The following EPHA7 variants were observed in gnomAD, a reference collection of about 807,000 sequenced individuals.
EPHA7 encodes the protein EPH receptor A7.
A neutral mutation model predicts 112.6 loss-of-function variants in EPHA7; 25 were observed. The ratio of observed to expected loss-of-function variants is 0.22; its 90% CI spans 0.16 to 0.31. The LOEUF (loss-of-function observed/expected upper bound fraction) is 0.31. EPHA7 is among the 10% of genes least tolerant of loss of function. The pLI, the probability that EPHA7 is intolerant of heterozygous loss-of-function variation, is 1.00. For missense variants in EPHA7, 962 were observed against 1,212.6 expected (o/e 0.79, Z 3.07); for synonymous variants, 437 against 406.5 (o/e 1.07, Z -0.90).
At chr6:93,290,219 CAT>C (rs970576685) in intron 5 of EPHA7, among the ~76,000 whole-genome samples, 1 of 151,860 alleles carries the variant, frequency 6.6e-6, no homozygotes, top group Non-Finnish European at 1.5e-5. Flanking sequence ...TAAAATATGA[CAT>C]ATAAAATATG....
chr6:93,414,214 TA>T (rs1459717407), intron 2 of EPHA7, among the ~76,000 whole-genome samples: 2 of 151,948 alleles, frequency 1.3e-5, no homozygotes, highest in Non-Finnish European at 3.0e-5. Context: ...TATTTTATAG[TA>T]AATTGTATAC....
chr6:93,292,169 C>G (rs951837819), intron 5 of EPHA7, among the ~76,000 whole-genome samples: 1 of 152,152 alleles, frequency 6.6e-6, no homozygotes, highest in East Asian at 1.9e-4. Flanking sequence ...ACAATCCCAG[C>G]TCTGTCACTT....
At chr6:93,326,944 T>G (rs2127894639) in intron 5 of EPHA7, among the ~76,000 whole-genome samples, 1 of 151,752 alleles carries the variant, frequency 6.6e-6, no homozygotes, top group Non-Finnish European at 1.5e-5. Context: ...TTCTTTCAAC[T>G]GGTATCCATC....
chr6:93,296,434 AATATATAAATAT>A (rs200004010), intron 5 of EPHA7, among the ~76,000 whole-genome samples: 37,089 of 125,700 alleles, frequency 0.3, 5,338 homozygotes, highest in South Asian at 0.43. Context: ...ATATATATAA[AATATATAAATAT>A]ATATATAAAT....
intron 5 of EPHA7, among the ~76,000 whole-genome samples, chr6:93,311,589 C>A (rs1324703615): frequency 6.6e-6 from 1 of 152,108 alleles, no homozygotes; most frequent in East Asian, 1.9e-4. Flanking sequence ...CAACTGAAGT[C>A]TTGAACCCCT....
intron 5 of EPHA7, among the ~76,000 whole-genome samples, chr6:93,292,174 T>C (rs569936114): frequency 1.2e-4 from 18 of 152,296 alleles, no homozygotes; most frequent in Admixed American, 9.2e-4. Flanking sequence ...CCCAGCTCTG[T>C]CACTTATTAG....
At chr6:93,276,873 T>C (rs1195100673) in intron 5 of EPHA7, among the ~76,000 whole-genome samples, 9 of 152,068 alleles carry the variant, frequency 5.9e-5, no homozygotes, top group Admixed American at 4.6e-4. Context: ...TACATTTACA[T>C]GTTTCTAACT....
At chr6:93,301,349 T>A (rs1348187443) in intron 5 of EPHA7, among the ~76,000 whole-genome samples, 1 of 152,170 alleles carries the variant, frequency 6.6e-6, no homozygotes, top group Non-Finnish European at 1.5e-5. Context: ...ACTTAAAATA[T>A]TTTTGTGTTG....
chr6:93,269,680 G>A lies in EPHA7; in HGVS notation c.1450-20C>T, dbSNP rs559229698. ...TTGATCCTAGAAACAATATTTAGAGGAAATATTTAATTGTGATTGCAACCA... is the reference window on the plus strand; with the variant it reads ...TTGATCCTAGAAACAATATTTAGAGAAAATATTTAATTGTGATTGCAACCA... On this transcript the variant is annotated intron_variant, in intron 6 of 16. Coordinates refer to ENST00000369303, the MANE Select transcript of EPHA7 (RefSeq NM_004440.4). 1.9e-4 allele frequency: 277 copies of A among 1,481,002 alleles called. No individual in the cohort carries two copies. Among genetic ancestry groups the A allele is most frequent in the Non-Finnish European group, 2.4e-4 (263 of 1,115,006 alleles). The allele number at this position is 1,481,002 out of a possible 1,614,324, so 91.7% of individuals were successfully genotyped here. A position where few individuals can be genotyped will look rare whatever the true frequency, so the allele number is the denominator to read the frequency against.
intron 3 of EPHA7, among the ~76,000 whole-genome samples, chr6:93,407,936 C>T (rs886492493): frequency 2.0e-5 from 3 of 151,822 alleles, no homozygotes; most frequent in Non-Finnish European, 4.4e-5. Context: ...GACTGCTTTT[C>T]TTACTAAATT....
At chr6:93,308,107 A>T (rs78321225) in intron 5 of EPHA7, among the ~76,000 whole-genome samples, 7,098 of 152,238 alleles carry the variant, frequency 0.047, 199 homozygotes, top group African/African-American at 0.069. Context: ...GGCACTGTCC[A>T]AACAGAAAGC....
chr6:93,264,460 T>C, intron 8 of EPHA7, 134 bp downstream of exon 8: 1 of 508,322 alleles, frequency 2.0e-6, no homozygotes, highest in Non-Finnish European at 3.5e-6. Flanking sequence ...GACACATTAT[T>C]GACCTTTAAT....
In EPHA7 at chr6:93,333,047, CT is replaced by C. The variant is rs1015706661; in HGVS notation, c.1324+23669del. On this transcript the variant is annotated intron_variant, in intron 5 of 16. Coordinates refer to ENST00000369303, the MANE Select transcript of EPHA7 (RefSeq NM_004440.4). ...CCTCTCCCTCCTCCAAAACTCCACC[CT>C]CAAGTAGCCCTGATATCTGTCATTC... Among the ~76,000 whole-genome samples, 12 of 151,766 alleles carry C rather than the reference CT, an allele frequency of 7.9e-5. 1 individual carries two copies. In the Admixed American group the frequency reaches 7.9e-4, roughly 10 times the overall value.
intron 1 of EPHA7, among the ~76,000 whole-genome samples, chr6:93,417,856 T>A (rs1328349969): frequency 6.6e-6 from 1 of 151,698 alleles, no homozygotes; most frequent in African/African-American, 2.4e-5. Context: ...GTTGCAGATG[T>A]GGAAAGTGGG....
chr6:93,416,122 CTCCCTTTCAAAT>C (rs771386275), intron 1 of EPHA7, among the ~76,000 whole-genome samples: 2 of 151,938 alleles, frequency 1.3e-5, no homozygotes, highest in Non-Finnish European at 2.9e-5. Flanking sequence ...AAACATTTGA[CTCCCTTTCAAAT>C]GAGAAACACA....
At chr6:93,251,465 A>C (rs534123001) in intron 14 of EPHA7, among the ~76,000 whole-genome samples, 21 of 151,634 alleles carry the variant, frequency 1.4e-4, no homozygotes, top group Admixed American at 6.6e-5. Flanking sequence ...AGAAAAAAAT[A>C]CTTTCTTACG....
chr6:93,334,868 T>C (rs1220548564), intron 5 of EPHA7, among the ~76,000 whole-genome samples: 6 of 152,122 alleles, frequency 3.9e-5, no homozygotes, highest in Admixed American at 2.6e-4. Context: ...TTGCGATGTG[T>C]AGCTCATATT....
At chr6:93,298,951 C>T (rs1772818487) in intron 5 of EPHA7, among the ~76,000 whole-genome samples, 1 of 151,796 alleles carries the variant, frequency 6.6e-6, no homozygotes, top group South Asian at 2.1e-4. Context: ...AACAAATTTA[C>T]AAGAGAAAAA....
intron 3 of EPHA7, among the ~76,000 whole-genome samples, chr6:93,405,762 G>A (rs910781635): frequency 1.1e-4 from 15 of 139,532 alleles, no homozygotes; most frequent in Middle Eastern, 4.1e-3. Context: ...ACCCACTGGT[G>A]TTTCTTATAT....
Sources: gnomAD v4.1 joint callset for allele counts (sites outside exome capture counted in the v4.1 genomes callset) on GRCh38, gnomAD v4.1.1 for gene constraint, MANE v1.5 for transcripts, NCBI Gene and HGNC (gene_info 2026-07-23, HGNC 2026-07-21) for gene names.